Variants in HELLS observed in about 807,000 individuals in gnomAD.
HELLS encodes helicase, lymphoid specific.
A neutral mutation model predicts 120.0 loss-of-function variants in HELLS; 32 were observed. The observed-to-expected ratio is 0.27, with a 90% confidence interval of 0.20 to 0.36. The LOEUF (loss-of-function observed/expected upper bound fraction) is 0.36, where lower values mean the gene tolerates loss of function less well. Among genes scored for constraint, HELLS ranks in the 10% least tolerant of loss-of-function variants. HELLS has a pLI of 1.00. For synonymous variants in HELLS, 341 were observed against 323.4 expected (o/e 1.05, Z -0.58); for missense variants, 650 against 993.4 (o/e 0.65, Z 4.65).
chr10:94,580,162 T>TACACACAC (rs34963898), intron 10 of HELLS, among the ~76,000 whole-genome samples: 1 of 47,600 alleles, frequency 2.1e-5, no homozygotes, highest in East Asian at 5.8e-4. Context: ...TATATATATA[T>TACACACAC]ACACACACAC....
At chr10:94,605,217 G>C (rs867430226), downstream of HELLS, among the ~76,000 whole-genome samples, 5 of 151,822 alleles carry the variant, frequency 3.3e-5, no homozygotes, top group African/African-American at 9.7e-5. Context: ...TGAGTAGCTA[G>C]AATTACAAGC....
chr10:94,550,019 C>T (rs1489429481), intron 2 of HELLS, among the ~76,000 whole-genome samples: 1 of 152,118 alleles, frequency 6.6e-6, no homozygotes, highest in African/African-American at 2.4e-5. Flanking sequence ...CTCCGGGGTT[C>T]AAGCAATTCT....
Position 94,601,787 on chromosome 10 carries a change from A to G in HELLS, c.*165A>G. The G allele has an allele frequency of 2.2e-6, 1 of 455,290 alleles. No individual in the cohort carries two copies. The highest frequency in any genetic ancestry group is 3.4e-5 in the South Asian group (1 of 29,618). The allele number at this position is 455,290 out of a possible 1,614,324, so 28.2% of individuals were successfully genotyped here. The stretch of plus-strand genomic sequence containing the variant: ...AGATGGTAATTTTCTGAGCCTTACC[A>G]AGAACAAAGAAGTATCCATATTAAG... On this transcript the variant is annotated 3_prime_UTR_variant, in exon 22 of 22. Transcript: ENST00000348459.
intron 17 of HELLS, among the ~76,000 whole-genome samples, chr10:94,593,249 T>C (rs963086507): frequency 6.6e-6 from 1 of 152,232 alleles, no homozygotes. Context: ...TTTTTGATAT[T>C]AGCTTTTCTT....
intron 2 of HELLS, among the ~76,000 whole-genome samples, chr10:94,553,673 C>G (rs945302462): frequency 3.3e-5 from 5 of 150,620 alleles, no homozygotes; most frequent in Non-Finnish European, 7.4e-5. Flanking sequence ...CTCAGCCTCC[C>G]AAGTAGCTGG....
At chr10:94,613,038 C>G (rs778577039) in exon 10 of HELLS, 2 of 152,198 alleles carry the variant, frequency 1.3e-5, no homozygotes, top group African/African-American at 4.8e-5. Context: ...GAGATTTGTT[C>G]ATATTGCTCT....
In HELLS at chr10:94,573,999, C is replaced by G. The variant is rs755559194; in HGVS notation, c.517C>G (p.Leu173Val). ...CTCTACTAATCTCTGTGTGGAAGAT[C>G]TTCAGAAAAATAAAGATTCGAATAG... ...SSSTNLCVEDLQKNKDSNSII... is the reference protein window; with the variant it reads ...SSSTNLCVEDVQKNKDSNSII... The change falls in exon 8 of 22, where the codon CTT (leucine) becomes GTT (valine). Residue 173 changes from leucine to valine, a missense_variant. Physicochemically the swap from Leu to Val is conservative, Grantham distance 32. Coordinates refer to ENST00000348459, the MANE Select transcript of HELLS (RefSeq NM_018063.5). The G allele has an allele frequency of 1.9e-6, 3 of 1,610,464 alleles. No homozygotes were observed.
chr10:94,562,064 A>C (rs1320619357), intron 4 of HELLS, among the ~76,000 whole-genome samples: 1 of 148,172 alleles, frequency 6.7e-6, no homozygotes, highest in Non-Finnish European at 1.5e-5. Context: ...TACAGGCTTG[A>C]GCCACCGCGC....
intron 19 of HELLS, among the ~76,000 whole-genome samples, chr10:94,595,201 C>A (rs1293995979): frequency 6.6e-6 from 1 of 151,512 alleles, no homozygotes; most frequent in Non-Finnish European, 1.5e-5. Context: ...GCACTCTAGC[C>A]TGGGTAACAG....
rs1255073662 is a variant in HELLS, at chr10:94,545,962, G to A, written c.31+10G>A. On this transcript the variant is annotated intron_variant, in intron 1 of 21. Transcript: ENST00000348459. ...CCCGCGGGCAGCGGCGGTGAGTGAGGAAAACCTTTTGGGCGCGGGTGGCAG... is the reference window on the plus strand; with the variant it reads ...CCCGCGGGCAGCGGCGGTGAGTGAGAAAAACCTTTTGGGCGCGGGTGGCAG... The A allele has an allele frequency of 1.3e-6, 2 of 1,556,090 alleles. No individual in the cohort carries two copies. Among genetic ancestry groups the A allele is most frequent in the Non-Finnish European group, 1.7e-6 (2 of 1,149,268 alleles).
intron 6 of HELLS, among the ~76,000 whole-genome samples, chr10:94,568,904 T>G (rs892911793): frequency 3.9e-5 from 6 of 151,928 alleles, no homozygotes; most frequent in Admixed American, 2.6e-4. Context: ...TGCAGTGGCA[T>G]GATCTTGGCT....
downstream of HELLS, among the ~76,000 whole-genome samples, chr10:94,603,194 T>C (rs1165658739): frequency 6.6e-6 from 1 of 152,012 alleles, no homozygotes; most frequent in African/African-American, 2.4e-5. Flanking sequence ...TGAAAAAGAG[T>C]TCTATTATAG....
intron 21 of HELLS, among the ~76,000 whole-genome samples, chr10:94,599,225 CATT>C (rs1208763372): frequency 1.3e-5 from 2 of 152,242 alleles, no homozygotes; most frequent in East Asian, 1.9e-4. Context: ...TAAAAAACAA[CATT>C]ATGTGAGGCA....
chr10:94,551,303 G>A (rs1030234643), intron 2 of HELLS, among the ~76,000 whole-genome samples: 1 of 152,106 alleles, frequency 6.6e-6, no homozygotes, highest in Non-Finnish European at 1.5e-5. Flanking sequence ...GGGTACGGTG[G>A]CTCACACCTA....
intron 21 of HELLS, among the ~76,000 whole-genome samples, chr10:94,597,428 A>G (rs1436520656): frequency 3.9e-5 from 6 of 152,368 alleles, no homozygotes; most frequent in Admixed American, 3.3e-4. Context: ...CAGGAGGCAC[A>G]TCGTATCTGG....
chr10:94,599,072 A>G (rs563025067), intron 21 of HELLS, among the ~76,000 whole-genome samples: 3 of 152,192 alleles, frequency 2.0e-5, no homozygotes, highest in African/African-American at 7.2e-5. Context: ...GCTTTATGGG[A>G]AGTGTACTTT....
downstream of HELLS, among the ~76,000 whole-genome samples, chr10:94,606,618 G>A (rs1252080118): frequency 6.6e-6 from 1 of 152,082 alleles, no homozygotes; most frequent in Non-Finnish European, 1.5e-5. Context: ...CCAAAGCATT[G>A]GTATTATATG....
Position 94,590,401 on chromosome 10 carries a change from G to T in HELLS, c.1489-12G>T. ...TTATAAACTGAATTTCTTTTAATTCGTTCCCTTTTAGAAAGAAACAATTGA... is the reference window on the plus strand; with the variant it reads ...TTATAAACTGAATTTCTTTTAATTCTTTCCCTTTTAGAAAGAAACAATTGA... On this transcript the variant is annotated splice_polypyrimidine_tract_variant and intron_variant, in intron 13 of 21. Coordinates refer to ENST00000348459, the MANE Select transcript of HELLS (RefSeq NM_018063.5). 1 of 1,588,302 alleles carries T rather than the reference G, an allele frequency of 6.3e-7. No homozygotes were observed.
chr10:94,586,386 G>C (rs1245273634), intron 12 of HELLS, among the ~76,000 whole-genome samples: 1 of 152,212 alleles, frequency 6.6e-6, no homozygotes, highest in Non-Finnish European at 1.5e-5. Context: ...CTCCCAAAGT[G>C]CTGGGATTAC....
Sources: gnomAD v4.1 joint callset for allele counts (sites outside exome capture counted in the v4.1 genomes callset) on GRCh38, gnomAD v4.1.1 for gene constraint, MANE v1.5 for transcripts, NCBI Gene and HGNC (gene_info 2026-07-23, HGNC 2026-07-21) for gene names.